Variants in WWOX observed in about 807,000 individuals in gnomAD.
WWOX encodes the protein WW domain-containing oxidoreductase.
Under a neutral mutation model 46.2 loss-of-function variants are expected in WWOX, and 69 were observed. The ratio of observed to expected loss-of-function variants is 1.49; its 90% CI spans 1.23 to 1.82. The LOEUF (loss-of-function observed/expected upper bound fraction) is 1.82, where lower values mean the gene tolerates loss of function less well. Ranked by LOEUF, WWOX falls within the 40% of genes most tolerant of loss-of-function variation. The pLI, the probability that WWOX is intolerant of heterozygous loss-of-function variation, is 0.00. For synonymous variants in WWOX, 359 were observed against 202.6 expected (o/e 1.77, Z -6.56); for missense variants, 919 against 542.6 (o/e 1.69, Z -6.89).
chr16:78,252,262 T>A (rs995256087), intron 5 of WWOX, among the ~76,000 whole-genome samples: 1 of 152,212 alleles, frequency 6.6e-6, no homozygotes, highest in Admixed American at 6.5e-5. Context: ...TCCTGATTTA[T>A]GCTTTATTTA....
chr16:78,546,196 G>C (rs1013854394), intron 8 of WWOX, among the ~76,000 whole-genome samples: 1 of 152,158 alleles, frequency 6.6e-6, no homozygotes, highest in Non-Finnish European at 1.5e-5. Flanking sequence ...TACTAATACA[G>C]CTTAGAACAG....
chr16:79,019,143 G>C (rs1164185410), intron 8 of WWOX, among the ~76,000 whole-genome samples: 1 of 113,468 alleles, frequency 8.8e-6, no homozygotes, highest in African/African-American at 3.5e-5. Flanking sequence ...GGGCAGCAGA[G>C]TGCGACCTTG....
At chr16:78,484,323 T>G (rs1331978176) in intron 8 of WWOX, among the ~76,000 whole-genome samples, 1 of 152,222 alleles carries the variant, frequency 6.6e-6, no homozygotes, top group Non-Finnish European at 1.5e-5. Context: ...AAGACCCTTT[T>G]GTTCACAGAT....
intron 8 of WWOX, among the ~76,000 whole-genome samples, chr16:78,835,048 G>C (rs909108823): frequency 1.2e-4 from 18 of 152,088 alleles, no homozygotes; most frequent in Non-Finnish European, 2.6e-4. Context: ...GGGGTTTGGA[G>C]GGCGTTAGTG....
At chr16:78,138,636 C>G (rs1212359724) in intron 4 of WWOX, among the ~76,000 whole-genome samples, 2 of 152,138 alleles carry the variant, frequency 1.3e-5, no homozygotes, top group African/African-American at 4.8e-5. Context: ...CTTATTTTTC[C>G]TTTCTGCATG....
chr16:78,634,835 AGAGTGTGT>A (rs1437748249), intron 8 of WWOX, among the ~76,000 whole-genome samples: 2,108 of 127,440 alleles, frequency 0.017, 32 homozygotes, highest in African/African-American at 0.053. Flanking sequence ...AGAGAGAGAG[AGAGTGTGT>A]GTGTGTGTGT....
intron 8 of WWOX, among the ~76,000 whole-genome samples, chr16:78,847,597 G>A (rs995862017): frequency 7.9e-5 from 12 of 152,048 alleles, no homozygotes; most frequent in Admixed American, 6.5e-5. Flanking sequence ...GCTTCCCTAA[G>A]TGTTGGGATT....
chr16:78,129,994 G>C (rs141512493), intron 4 of WWOX: 1 of 152,108 alleles, frequency 6.6e-6, no homozygotes, highest in Non-Finnish European at 1.5e-5. Context: ...ACGATAATGA[G>C]TGAGTTCTCA....
chr16:78,890,870 C>G (rs1239836391), intron 8 of WWOX: 2 of 152,142 alleles, frequency 1.3e-5, no homozygotes, highest in African/African-American at 4.8e-5. Flanking sequence ...ATTATAAAGA[C>G]TTTAGGTACA....
intron 8 of WWOX, among the ~76,000 whole-genome samples, chr16:79,186,006 T>C (rs1402603632): frequency 6.6e-6 from 1 of 152,044 alleles, no homozygotes; most frequent in East Asian, 1.9e-4. Flanking sequence ...TCTGCTGGCC[T>C]TGAGAAGGTA....
At chr16:78,452,489 T>G (rs1298136564) in intron 8 of WWOX, among the ~76,000 whole-genome samples, 1 of 150,266 alleles carries the variant, frequency 6.7e-6, no homozygotes, top group Non-Finnish European at 1.5e-5. Flanking sequence ...TTTTTTTTTT[T>G]TTTTTGAGAC....
At chr16:79,130,920 C>A (rs1412947561) in intron 8 of WWOX, among the ~76,000 whole-genome samples, 1 of 152,162 alleles carries the variant, frequency 6.6e-6, no homozygotes, top group African/African-American at 2.4e-5. Flanking sequence ...TGGCTGCATG[C>A]CAACCGAAGA....
chr16:78,904,019 A>G (rs1214400060), intron 8 of WWOX, among the ~76,000 whole-genome samples: 1 of 152,122 alleles, frequency 6.6e-6, no homozygotes, highest in Non-Finnish European at 1.5e-5. Flanking sequence ...ATCATATATC[A>G]TCAACACCTT....
rs182177202 is a variant in WWOX at position 78,853,841 on chromosome 16, A to G, written c.1057-357767A>G. Among the ~76,000 whole-genome samples the G allele has an allele frequency of 2.8e-4, 43 of 152,256 alleles. No homozygotes were observed. The East Asian group carries it at 7.9e-3, about 28-fold the overall frequency. On this transcript the variant is annotated intron_variant, in intron 8 of 8. Coordinates refer to ENST00000566780, the MANE Select transcript of WWOX (RefSeq NM_016373.4). ...TAATTTAATAGCGAAGCCCTCAGCA[A>G]TAGATCTTCAGGTAAAATGGATGCT...
chr16:78,809,757 C>G (rs375335859), intron 8 of WWOX, among the ~76,000 whole-genome samples: 10 of 152,264 alleles, frequency 6.6e-5, no homozygotes, highest in African/African-American at 2.2e-4. Context: ...CAAAGCTTAG[C>G]TGGGACAGGA....
chr16:78,948,630 G>T (rs966008924), intron 8 of WWOX, among the ~76,000 whole-genome samples: 3 of 151,962 alleles, frequency 2.0e-5, no homozygotes, highest in African/African-American at 7.3e-5. Context: ...GCATAAACTT[G>T]GGGGTTCCCA....
At chr16:78,957,168 C>T (rs768841609) in intron 8 of WWOX, among the ~76,000 whole-genome samples, 10 of 152,144 alleles carry the variant, frequency 6.6e-5, no homozygotes, top group Non-Finnish European at 1.3e-4. Context: ...GAGGTATCTG[C>T]CCTTAAAGAA....
chr16:78,675,124 C>G (rs60003613), intron 8 of WWOX, among the ~76,000 whole-genome samples: 1 of 151,968 alleles, frequency 6.6e-6, no homozygotes, highest in South Asian at 2.1e-4. Flanking sequence ...TGATCGGATC[C>G]TCATATTGGA....
chr16:78,395,700 C>G (rs1191544518), intron 6 of WWOX, among the ~76,000 whole-genome samples: 2 of 152,154 alleles, frequency 1.3e-5, no homozygotes, highest in East Asian at 3.8e-4. Context: ...TGATGTTCCA[C>G]TGAGGATCAT....
Sources: gnomAD v4.1 joint callset for allele counts (sites outside exome capture counted in the v4.1 genomes callset) on GRCh38, gnomAD v4.1.1 for gene constraint, MANE v1.5 for transcripts, NCBI Gene and HGNC (gene_info 2026-07-23, HGNC 2026-07-21) for gene names.